ARL15: variants seen among roughly 807,000 people sequenced by gnomAD.
ARL15 encodes the protein ARF like GTPase 15.
Under a neutral mutation model 25.2 loss-of-function variants are expected in ARL15, and 19 were observed. The observed-to-expected ratio is 0.75, with a 90% CI of 0.53 to 1.10. ARL15 has a LOEUF of 1.10. ARL15 is among the 50% of genes least tolerant of loss of function. The pLI is 0.00. For missense variants in ARL15, 220 were observed against 246.0 expected, an observed-to-expected ratio of 0.89 and a Z score of 0.71; for synonymous variants, 94 against 86.8, an observed-to-expected ratio of 1.08 and a Z score of -0.46.
At chr5:54,142,173 C>A (rs1015005470) in intron 3 of ARL15, among the ~76,000 whole-genome samples, 3 of 152,154 alleles carry the variant, frequency 2.0e-5, no homozygotes, top group South Asian at 2.1e-4. Context: ...TCTATAGCTA[C>A]AGTAAGTGGA....
At chr5:54,130,223 AAAAC>A (rs908713199) in intron 3 of ARL15, among the ~76,000 whole-genome samples, 18 of 152,268 alleles carry the variant, frequency 1.2e-4, no homozygotes, top group Admixed American at 3.3e-4. Context: ...GTCTCAAAAC[AAAAC>A]AAACAAACAA....
chr5:54,047,290 T>C (rs1750551044), intron 4 of ARL15, among the ~76,000 whole-genome samples: 1 of 152,128 alleles, frequency 6.6e-6, no homozygotes, highest in African/African-American at 2.4e-5. Flanking sequence ...GATTGACTTG[T>C]TCATGTAAGA....
intron 1 of ARL15, among the ~76,000 whole-genome samples, 194 bp from the exon 2 acceptor site, chr5:54,172,122 A>C (rs1754739345): frequency 1.3e-5 from 2 of 152,210 alleles, no homozygotes; most frequent in South Asian, 4.1e-4. Flanking sequence ...TAACATTCTT[A>C]GTTATGAAAT....
rs140572992 is a variant in ARL15, at chr5:54,115,448, G to A, written c.254-2038C>T. Among the ~76,000 whole-genome samples, 61 of 152,128 alleles carry A rather than the reference G, an allele frequency of 4.0e-4. No homozygotes were observed. In the East Asian group the frequency reaches 7.5e-3, roughly 19 times the overall value. On this transcript the variant is annotated intron_variant, in intron 3 of 4. Coordinates refer to ENST00000504924, the MANE Select transcript of ARL15 (RefSeq NM_019087.3). ...AGGCACATACCATGGTGCTTGGGGC[G>A]GTGGGGGTAAATTTCTTGAAAGAAT...
intron 1 of ARL15, among the ~76,000 whole-genome samples, chr5:54,306,806 ACT>A (rs1274367612): frequency 6.6e-6 from 1 of 152,154 alleles, no homozygotes; most frequent in African/African-American, 2.4e-5. Context: ...CAATTCTACC[ACT>A]GTTGTTTTGA....
At chr5:54,155,083 T>C (rs1429504698) in intron 2 of ARL15, among the ~76,000 whole-genome samples, 2 of 152,180 alleles carry the variant, frequency 1.3e-5, no homozygotes, top group African/African-American at 2.4e-5. Context: ...ATCGGGCCAC[T>C]GCACTCCAGC....
chr5:53,908,280 A>G (rs994461064), intron 4 of ARL15, among the ~76,000 whole-genome samples: 1 of 152,212 alleles, frequency 6.6e-6, no homozygotes, highest in Non-Finnish European at 1.5e-5. Flanking sequence ...GGCCTTCTGT[A>G]TCCATGGGTT....
intron 1 of ARL15, among the ~76,000 whole-genome samples, chr5:54,230,637 C>T (rs532182163): frequency 6.6e-6 from 1 of 152,286 alleles, no homozygotes. Flanking sequence ...AAGGTGTCAT[C>T]TGGACCCTCT....
intron 4 of ARL15, among the ~76,000 whole-genome samples, chr5:54,084,896 T>C (rs1327625435): frequency 2.0e-5 from 3 of 152,160 alleles, no homozygotes; most frequent in East Asian, 1.9e-4. Context: ...AAACATGATA[T>C]GAAAATGATT....
At chr5:53,993,415 C>T (rs1358761875) in intron 4 of ARL15, among the ~76,000 whole-genome samples, 1 of 152,022 alleles carries the variant, frequency 6.6e-6, no homozygotes, top group Admixed American at 6.6e-5. Flanking sequence ...CAAGACCAGC[C>T]TGGGCAACAT....
chr5:53,921,333 C>CATA (rs1270237980), intron 4 of ARL15, among the ~76,000 whole-genome samples: 1 of 152,144 alleles, frequency 6.6e-6, no homozygotes, highest in Admixed American at 6.6e-5. Flanking sequence ...TATACTGTCC[C>CATA]CCCTATAGCT....
intron 4 of ARL15, among the ~76,000 whole-genome samples, chr5:54,086,368 C>A (rs1184242663): frequency 6.6e-6 from 1 of 151,984 alleles, no homozygotes; most frequent in East Asian, 1.9e-4. Context: ...CAAATAGCCT[C>A]ATCCTGCTCA....
chr5:54,202,271 T>G (rs192507360), intron 1 of ARL15, among the ~76,000 whole-genome samples: 347 of 152,350 alleles, frequency 2.3e-3, no homozygotes, highest in African/African-American at 8.0e-3. Context: ...AACCTGTGAC[T>G]GTTACGTTAC....
chr5:54,035,598 A>G (rs1408414050), intron 4 of ARL15, among the ~76,000 whole-genome samples: 2 of 152,202 alleles, frequency 1.3e-5, no homozygotes, highest in Admixed American at 1.3e-4. Context: ...TTTTCCAAAC[A>G]AAGGAATATC....
At chr5:53,987,233 T>C (rs1371208154) in intron 4 of ARL15, among the ~76,000 whole-genome samples, 1 of 152,156 alleles carries the variant, frequency 6.6e-6, no homozygotes, top group African/African-American at 2.4e-5. Flanking sequence ...ACTAGAGATT[T>C]TGTGTAAATG....
intron 1 of ARL15, among the ~76,000 whole-genome samples, chr5:54,239,231 A>T (rs1756889548): frequency 6.7e-6 from 1 of 148,712 alleles, no homozygotes; most frequent in African/African-American, 2.5e-5. Context: ...TATGAATGCC[A>T]TTTTTTTTTT....
intron 4 of ARL15, among the ~76,000 whole-genome samples, chr5:53,907,036 C>A (rs780019862): frequency 6.6e-6 from 1 of 152,060 alleles, no homozygotes; most frequent in Non-Finnish European, 1.5e-5. Context: ...CAACTGGATG[C>A]GATGAAGCTG....
intron 2 of ARL15, among the ~76,000 whole-genome samples, chr5:54,165,912 C>T (rs1754550989): frequency 6.6e-6 from 1 of 151,952 alleles, no homozygotes; most frequent in Non-Finnish European, 1.5e-5. Context: ...CCTCTTGTTC[C>T]AGGGAGGCAA....
chr5:53,955,055 G>A (rs1747101927), intron 4 of ARL15, among the ~76,000 whole-genome samples: 1 of 150,920 alleles, frequency 6.6e-6, no homozygotes, highest in Non-Finnish European at 1.5e-5. Flanking sequence ...TAGTTAACTT[G>A]AAGTTCATCT....
Sources: gnomAD v4.1 joint callset for allele counts (sites outside exome capture counted in the v4.1 genomes callset) on GRCh38, gnomAD v4.1.1 for gene constraint, MANE v1.5 for transcripts, NCBI Gene and HGNC (gene_info 2026-07-23, HGNC 2026-07-21) for gene names.